The following MCTP1 variants were observed in gnomAD, a reference collection of about 807,000 sequenced individuals.
MCTP1 encodes the protein multiple C2 and transmembrane domain-containing protein 1.
In MCTP1, 69 loss-of-function variants were observed where a neutral mutation model predicts 120.6. The observed-to-expected ratio is 0.57, with a 90% CI of 0.47 to 0.70. The LOEUF is 0.70. MCTP1 is among the 30% of genes least tolerant of loss of function. MCTP1 has a pLI of 0.00. For synonymous variants in MCTP1, 529 were observed against 493.1 expected (o/e 1.07, Z -0.96); for missense variants, 1,203 against 1,248.8 (o/e 0.96, Z 0.55).
chr5:95,053,818 A>C (rs1364188140), intron 1 of MCTP1, among the ~76,000 whole-genome samples: 1 of 152,200 alleles, frequency 6.6e-6, no homozygotes, highest in Non-Finnish European at 1.5e-5. Flanking sequence ...AAAATGTTGG[A>C]AGCTGAAAAG....
intron 19 of MCTP1, among the ~76,000 whole-genome samples, chr5:94,766,643 C>T (rs934600656): frequency 1.2e-4 from 18 of 150,754 alleles, no homozygotes; most frequent in African/African-American, 3.9e-4. Flanking sequence ...GCACGTTGTG[C>T]ACATGTACCC....
At chr5:94,996,727 A>C (rs1034797006) in intron 2 of MCTP1, among the ~76,000 whole-genome samples, 3 of 152,182 alleles carry the variant, frequency 2.0e-5, no homozygotes, top group African/African-American at 7.2e-5. Context: ...GGTTGAATCC[A>C]TGGACATGGG....
At chr5:94,830,049 G>A (rs1423625429) in intron 17 of MCTP1, among the ~76,000 whole-genome samples, 1 of 152,204 alleles carries the variant, frequency 6.6e-6, no homozygotes, top group Non-Finnish European at 1.5e-5. Flanking sequence ...CAGCATTCGG[G>A]ATGTTTCATG....
rs926859900 is a variant in MCTP1 at position 95,284,657 on chromosome 5, C to A, written c.-82G>T. Reference sequence around the variant, plus strand: ...CTCCCTCTTCGGCTGCACCTCCTCCCGGGTCCCCGCGGCGCTGGCGGTGGC... The same window carrying A: ...CTCCCTCTTCGGCTGCACCTCCTCCAGGGTCCCCGCGGCGCTGGCGGTGGC... On this transcript the variant is annotated 5_prime_UTR_variant, in exon 1 of 23. Coordinates refer to ENST00000515393, the MANE Select transcript of MCTP1 (RefSeq NM_024717.7). The surrounding 1 kb of genome is among the most constrained non-coding windows in gnomAD (Gnocchi z 5.2). 5.0e-6 allele frequency: 6 copies of A among 1,196,392 alleles called. No individual in the cohort carries two copies. Among genetic ancestry groups the A allele is most frequent in the South Asian group, 1.9e-5 (1 of 53,254 alleles). The allele number at this position is 1,196,392 out of a possible 1,614,324, so 74.1% of individuals were successfully genotyped here. A position where few individuals can be genotyped will look rare whatever the true frequency, so the allele number is the denominator to read the frequency against.
chr5:94,740,743 C>T (rs553092117), intron 19 of MCTP1, among the ~76,000 whole-genome samples: 64 of 152,210 alleles, frequency 4.2e-4, no homozygotes, highest in African/African-American at 1.4e-3. Context: ...GTATAGCAGG[C>T]CAGGCTTTCG....
intron 2 of MCTP1, among the ~76,000 whole-genome samples, chr5:94,964,516 T>C (rs1377058558): frequency 6.6e-6 from 1 of 152,214 alleles, no homozygotes. Flanking sequence ...ATTTGCCCTA[T>C]ATTTGTAGGT....
chr5:94,799,017 T>C lies in MCTP1; in HGVS notation c.2552A>G (p.Asp851Gly), dbSNP rs1258245389. Reference sequence around the variant, plus strand: ...AGTAAGAGAGTAGAGACTTACTGTATCACGTTGCCTGTTATCTTTCCCTGA... The same window carrying C: ...AGTAAGAGAGTAGAGACTTACTGTACCACGTTGCCTGTTATCTTTCCCTGA... ...IISGKDNRQRDTVVEDMLEDE... is the reference protein window; with the variant it reads ...IISGKDNRQRGTVVEDMLEDE... Residue 851 changes from aspartate (D) to glycine (G), a missense_variant, in exon 18 of 23, where the codon GAT becomes GGT. Coordinates refer to ENST00000515393, the MANE Select transcript of MCTP1 (RefSeq NM_024717.7). 6.2e-7 allele frequency: 1 copy of C among 1,610,974 alleles called. No homozygotes were observed. Among genetic ancestry groups the C allele is most frequent in the Non-Finnish European group, 8.5e-7 (1 of 1,178,274 alleles).
intron 2 of MCTP1, among the ~76,000 whole-genome samples, chr5:94,969,145 AATG>A (rs1363837031): frequency 5.9e-5 from 9 of 152,308 alleles, no homozygotes; most frequent in African/African-American, 2.2e-4. Context: ...CGGTTTCTAT[AATG>A]TTTACTCATG....
intron 17 of MCTP1, among the ~76,000 whole-genome samples, chr5:94,820,944 C>A (rs1201565553): frequency 1.3e-5 from 2 of 152,148 alleles, no homozygotes; most frequent in East Asian, 3.9e-4. Flanking sequence ...GAGTAATAAT[C>A]TTTAAAATAA....
chr5:94,890,118 C>T (rs1359622793), intron 11 of MCTP1, among the ~76,000 whole-genome samples: 2 of 152,124 alleles, frequency 1.3e-5, no homozygotes, highest in African/African-American at 4.8e-5. Flanking sequence ...TCCACCTCAG[C>T]CTCCTGAGTG....
intron 1 of MCTP1, among the ~76,000 whole-genome samples, chr5:95,204,393 A>G (rs1751395564): frequency 1.3e-5 from 2 of 152,276 alleles, no homozygotes; most frequent in Non-Finnish European, 1.5e-5. Flanking sequence ...GGCATCCAAA[A>G]AAACTCATAG....
chr5:95,207,784 C>G (rs575661089), intron 1 of MCTP1, among the ~76,000 whole-genome samples: 1 of 151,746 alleles, frequency 6.6e-6, no homozygotes, highest in Admixed American at 6.6e-5. Flanking sequence ...GAGAGAGAAG[C>G]TGAAGGAGAA....
chr5:94,881,001 A>G (rs2153360794), intron 12 of MCTP1, among the ~76,000 whole-genome samples: 1 of 152,230 alleles, frequency 6.6e-6, no homozygotes, highest in East Asian at 1.9e-4. Flanking sequence ...CTTGCTGAGC[A>G]TCCATTCCAA....
chr5:94,961,526 C>T (rs1025867707), intron 2 of MCTP1, among the ~76,000 whole-genome samples: 3 of 152,194 alleles, frequency 2.0e-5, no homozygotes, highest in Non-Finnish European at 4.4e-5. Flanking sequence ...CTAATGCCTG[C>T]ACTATTTCTA....
At chr5:94,896,984 T>C (rs1804167978) in intron 10 of MCTP1, among the ~76,000 whole-genome samples, 1 of 152,158 alleles carries the variant, frequency 6.6e-6, no homozygotes, top group Non-Finnish European at 1.5e-5. Flanking sequence ...ACTCTATCTT[T>C]AAGTAACCAT....
At chr5:95,090,227 T>G (rs1280026906) in intron 1 of MCTP1, among the ~76,000 whole-genome samples, 1 of 152,248 alleles carries the variant, frequency 6.6e-6, no homozygotes. Flanking sequence ...TGTTTAATTT[T>G]GAATCACTTA....
At chr5:94,943,796 G>A (rs1390768069) in intron 3 of MCTP1, among the ~76,000 whole-genome samples, 2 of 151,706 alleles carry the variant, frequency 1.3e-5, no homozygotes, top group South Asian at 2.1e-4. Flanking sequence ...AAAAAAAAAC[G>A]CTACCAGATG....
chr5:94,767,272 G>A (rs572229859), intron 19 of MCTP1, among the ~76,000 whole-genome samples: 10 of 152,182 alleles, frequency 6.6e-5, no homozygotes, highest in African/African-American at 1.9e-4. Context: ...ATATCTCAAC[G>A]TAATAAAGGC....
intron 1 of MCTP1, among the ~76,000 whole-genome samples, chr5:95,170,695 G>A (rs1364881747): frequency 6.6e-6 from 1 of 152,018 alleles, no homozygotes; most frequent in Admixed American, 6.6e-5. Flanking sequence ...GATCTTTGTT[G>A]GTTTAAAGTC....
Sources: allele counts gnomAD v4.1 joint callset (sites outside exome capture counted in the v4.1 genomes callset), GRCh38; gene constraint gnomAD v4.1.1; non-coding constraint Gnocchi (gnomAD v3.1); transcripts MANE v1.5; gene names NCBI Gene and HGNC (gene_info 2026-07-23, HGNC 2026-07-21).